Variants in UNC5D observed in about 807,000 individuals in gnomAD.
UNC5D encodes unc-5 netrin receptor D, also known as netrin receptor UNC5D.
Under a neutral mutation model 105.4 loss-of-function variants are expected in UNC5D, and 39 were observed. The observed-to-expected ratio is 0.37, with a 90% CI of 0.29 to 0.48. The LOEUF is 0.48. UNC5D is among the 20% of genes least tolerant of loss of function. The pLI is 0.98. For synonymous variants in UNC5D, 452 were observed against 450.4 expected (o/e 1.00, Z -0.04); for missense variants, 991 against 1,202.4 (o/e 0.82, Z 2.60).
intron 4 of UNC5D, among the ~76,000 whole-genome samples, chr8:35,675,821 T>C (rs2131300127): frequency 6.6e-6 from 1 of 152,120 alleles, no homozygotes; most frequent in Admixed American, 6.5e-5. Context: ...TTCATTCTTT[T>C]ATAGAACATT....
intron 1 of UNC5D, among the ~76,000 whole-genome samples, chr8:35,299,598 TC>T (rs1807769785): frequency 6.6e-6 from 1 of 152,304 alleles, no homozygotes; most frequent in South Asian, 2.1e-4. Flanking sequence ...ACACAGCTCT[TC>T]TGGAGGAAAA....
intron 1 of UNC5D, among the ~76,000 whole-genome samples, chr8:35,248,814 T>G (rs1321402812): frequency 2.2e-5 from 2 of 92,112 alleles, no homozygotes; most frequent in African/African-American, 1.1e-4. Context: ...TAATATATAA[T>G]ATATATAATA....
intron 7 of UNC5D, among the ~76,000 whole-genome samples, chr8:35,692,084 A>G (rs1249236893): frequency 6.6e-6 from 1 of 152,218 alleles, no homozygotes; most frequent in Non-Finnish European, 1.5e-5. Flanking sequence ...GGTCAGTTCA[A>G]CATTGACAGT....
chr8:35,395,133 T>C (rs887361360), intron 1 of UNC5D, among the ~76,000 whole-genome samples: 1 of 152,154 alleles, frequency 6.6e-6, no homozygotes, highest in Non-Finnish European at 1.5e-5. Flanking sequence ...GGATAATGTG[T>C]GTTAAGTGCT....
chr8:35,654,875 C>T (rs1380732563), intron 4 of UNC5D, among the ~76,000 whole-genome samples: 3 of 152,098 alleles, frequency 2.0e-5, no homozygotes, highest in African/African-American at 7.2e-5. Context: ...TCTTCTGCCC[C>T]TGGTTTTCTC....
At chr8:35,681,996 G>A (rs562969800) in intron 4 of UNC5D, among the ~76,000 whole-genome samples, 113 of 152,180 alleles carry the variant, frequency 7.4e-4, no homozygotes, top group Non-Finnish European at 1.2e-3. Context: ...ACGGAGTCTC[G>A]CTCTGTCGCC....
intron 1 of UNC5D, among the ~76,000 whole-genome samples, chr8:35,490,616 G>A (rs968301843): frequency 6.6e-6 from 1 of 152,106 alleles, no homozygotes; most frequent in African/African-American, 2.4e-5. Flanking sequence ...ATAAAGACCT[G>A]AAGGATCTTT....
At chr8:35,522,107 A>G (rs1215520091) in intron 1 of UNC5D, among the ~76,000 whole-genome samples, 1 of 152,182 alleles carries the variant, frequency 6.6e-6, no homozygotes. Context: ...CACAACACCC[A>G]CTGCCCATCC....
intron 1 of UNC5D, among the ~76,000 whole-genome samples, chr8:35,275,346 A>T (rs567372492): frequency 2.6e-5 from 4 of 152,118 alleles, no homozygotes; most frequent in Admixed American, 2.0e-4. Flanking sequence ...CATCTGTTAT[A>T]AATAAATTAA....
intron 1 of UNC5D, among the ~76,000 whole-genome samples, chr8:35,506,282 A>C (rs1205385813): frequency 6.6e-6 from 1 of 152,194 alleles, no homozygotes; most frequent in Non-Finnish European, 1.5e-5. Flanking sequence ...AGAAGAGAAA[A>C]ATAAACACTT....
chr8:35,440,695 T>G (rs1807337304), intron 1 of UNC5D, among the ~76,000 whole-genome samples: 1 of 151,978 alleles, frequency 6.6e-6, no homozygotes, highest in Non-Finnish European at 1.5e-5. Context: ...ACATGAATAT[T>G]AATACATATG....
At chr8:35,266,530 A>C (rs1804884367) in intron 1 of UNC5D, among the ~76,000 whole-genome samples, 1 of 152,200 alleles carries the variant, frequency 6.6e-6, no homozygotes, top group African/African-American at 2.4e-5. Context: ...GAAGTACATA[A>C]AGGTCTATTC....
At chr8:35,667,479 C>A (rs560841466) in intron 4 of UNC5D, among the ~76,000 whole-genome samples, 13 of 152,242 alleles carry the variant, frequency 8.5e-5, no homozygotes, top group African/African-American at 3.1e-4. Context: ...CTTCTACTGA[C>A]AACTAACTGG....
intron 4 of UNC5D, among the ~76,000 whole-genome samples, chr8:35,603,285 T>C (rs1185487727): frequency 6.6e-6 from 1 of 152,220 alleles, no homozygotes; most frequent in Non-Finnish European, 1.5e-5. Context: ...TATTTCTGTC[T>C]TCATTTCATT....
chr8:35,493,698 T>C (rs1323773115), intron 1 of UNC5D, among the ~76,000 whole-genome samples: 2 of 152,192 alleles, frequency 1.3e-5, no homozygotes, highest in African/African-American at 4.8e-5. Flanking sequence ...TTTGGGACTT[T>C]TCAAATTAAA....
At chr8:35,655,616 G>A (rs1823677680) in intron 4 of UNC5D, among the ~76,000 whole-genome samples, 1 of 152,120 alleles carries the variant, frequency 6.6e-6, no homozygotes, top group African/African-American at 2.4e-5. Flanking sequence ...TTTAATTCAG[G>A]AGACAGGACT....
At position 35,729,237 on chromosome 8, in the gene UNC5D, C is replaced by T. The variant is rs1276504771; in HGVS notation, c.1682-1775C>T. Reference sequence around the variant, plus strand: ...GTGTGATCTGCGCAGACAGCTCTTTCTCAATTGTCCTCACACATCTTTCTT... The same window carrying T: ...GTGTGATCTGCGCAGACAGCTCTTTTTCAATTGTCCTCACACATCTTTCTT... On this transcript the variant is annotated intron_variant, in intron 10 of 16. Coordinates refer to ENST00000404895, the MANE Select transcript of UNC5D (RefSeq NM_080872.4). Among the ~76,000 whole-genome samples the T allele has an allele frequency of 2.6e-5, 4 of 152,198 alleles. No individual in the cohort carries two copies. In the East Asian group the frequency reaches 7.7e-4, roughly 29 times the overall value.
intron 1 of UNC5D, among the ~76,000 whole-genome samples, chr8:35,292,122 T>G (rs757858862): frequency 4.6e-5 from 7 of 152,212 alleles, no homozygotes; most frequent in Non-Finnish European, 7.3e-5. Context: ...TAGAAGGAAT[T>G]CTAACAACTC....
Position 35,235,754 on chromosome 8 carries a change from A to C in UNC5D, c.-31A>C. On this transcript the variant is annotated 5_prime_UTR_variant, in exon 1 of 17. Coordinates refer to ENST00000404895, the MANE Select transcript of UNC5D (RefSeq NM_080872.4). ...TTTCCCGGGCTCCCGGAGCGTGAAG[A>C]AGAGCCGCCCTCCGGAACGCGGCGA... The C allele has an allele frequency of 8.1e-7, 1 of 1,227,716 alleles. No individual in the cohort carries two copies. Among genetic ancestry groups the C allele is most frequent in the Non-Finnish European group, 1.0e-6 (1 of 984,064 alleles). 76.1% of individuals were successfully genotyped at this position (1,227,716 alleles called of 1,614,324 possible). A position where few individuals can be genotyped will look rare whatever the true frequency, so the allele number is the denominator to read the frequency against.
Sources: gnomAD v4.1 joint callset for allele counts (sites outside exome capture counted in the v4.1 genomes callset) on GRCh38, gnomAD v4.1.1 for gene constraint, MANE v1.5 for transcripts, NCBI Gene and HGNC (gene_info 2026-07-23, HGNC 2026-07-21) for gene names.